Variants in EPYC observed in about 807,000 individuals in gnomAD.
The protein encoded by EPYC is epiphycan.
A neutral mutation model predicts 30.1 loss-of-function variants in EPYC; 28 were observed. The ratio of observed to expected loss-of-function variants is 0.93; its 90% confidence interval spans 0.69 to 1.28. EPYC has a LOEUF of 1.28. Among genes scored for constraint, EPYC ranks in the 50% most tolerant of loss-of-function variants. EPYC has a pLI of 0.00. For missense variants in EPYC, 382 were observed against 383.5 expected, an observed-to-expected ratio of 1.00 and a Z score of 0.03; for synonymous variants, 144 against 141.4, an observed-to-expected ratio of 1.02 and a Z score of -0.13.
At chr12:90,982,972 C>A (rs1353595032) in intron 2 of EPYC, among the ~76,000 whole-genome samples, 2 of 152,104 alleles carry the variant, frequency 1.3e-5, no homozygotes, top group Admixed American at 6.6e-5. Context: ...ATATCTTTAA[C>A]ATACTGATAC....
intron 2 of EPYC, among the ~76,000 whole-genome samples, chr12:90,997,138 G>C (rs1315931133): frequency 6.6e-6 from 1 of 151,874 alleles, no homozygotes; most frequent in Non-Finnish European, 1.5e-5. Flanking sequence ...TCCCCACAAA[G>C]ACCATAACTT....
rs1483840426 is a variant in EPYC at position 90,993,174 on chromosome 12, TC to T, written c.165+9226del. On this transcript the variant is annotated intron_variant, in intron 2 of 6. Coordinates refer to ENST00000261172, the MANE Select transcript of EPYC (RefSeq NM_004950.5). ...AGAGAAGGAACTGGCCCCAGATGGTTCCCCTTCCCTTTTGGGGATAATTGAC... is the reference window on the plus strand; with the variant it reads ...AGAGAAGGAACTGGCCCCAGATGGTTCCCTTCCCTTTTGGGGATAATTGAC... 2.0e-5 allele frequency among the ~76,000 whole-genome samples: 3 copies of T among 152,278 alleles called. No homozygotes were observed. In the East Asian group the frequency reaches 5.8e-4, roughly 29 times the overall value.
At chr12:91,002,672 A>G (rs1275530944) in intron 1 of EPYC, 94 bp from the exon 2 acceptor site, 1 of 960,044 alleles carries the variant, frequency 1.0e-6, no homozygotes, top group African/African-American at 1.7e-5. Flanking sequence ...TCAATATCAA[A>G]GAACTCAAGC....
At chr12:90,984,327 TG>T (rs1877397720) in intron 2 of EPYC, among the ~76,000 whole-genome samples, 2 of 152,052 alleles carry the variant, frequency 1.3e-5, no homozygotes, top group African/African-American at 4.8e-5. Context: ...CTTGGGTTGG[TG>T]GTGGGGGGAA....
chr12:91,004,273 A>T (rs1308441904), intron 1 of EPYC, among the ~76,000 whole-genome samples: 1 of 152,114 alleles, frequency 6.6e-6, no homozygotes, highest in East Asian at 1.9e-4. Flanking sequence ...ATATAGCTAC[A>T]TCTCAGAATT....
chr12:90,973,076 C>G (rs1877095594), intron 3 of EPYC, 96 bp from the exon 4 acceptor site: 4 of 679,102 alleles, frequency 5.9e-6, no homozygotes, highest in Non-Finnish European at 9.0e-6. Context: ...GAGTCTCCCA[C>G]TAACCAAGTA....
intron 2 of EPYC, among the ~76,000 whole-genome samples, chr12:90,993,412 C>T (rs1158045594): frequency 6.6e-6 from 1 of 152,034 alleles, no homozygotes; most frequent in Non-Finnish European, 1.5e-5. Context: ...TAAAATAGAA[C>T]ATTTTGAGCT....
chr12:90,971,839 A>G lies in EPYC; in HGVS notation c.663T>C (p.Asn221=), dbSNP rs772362345. The part of the protein sequence containing the change: ...TTLTFIDISN[N]RLGRKGIKQE... Reference sequence around the variant, plus strand: ...GCTTTATCCCTTTCCTTCCAAGTCTATTGTTGCTAATATCAATAAATGTCA... The same window carrying G: ...GCTTTATCCCTTTCCTTCCAAGTCTGTTGTTGCTAATATCAATAAATGTCA... Residue 221 remains asparagine, a synonymous_variant, in exon 5 of 7, where the codon AAT becomes AAC. Coordinates refer to ENST00000261172, the MANE Select transcript of EPYC (RefSeq NM_004950.5). The G allele has an allele frequency of 9.9e-6, 16 of 1,611,156 alleles. No homozygotes were observed. In the South Asian group the frequency reaches 1.2e-4, roughly 12 times the overall value.
intron 6 of EPYC, among the ~76,000 whole-genome samples, chr12:90,969,305 G>C (rs1440684621): frequency 6.6e-6 from 1 of 151,814 alleles, no homozygotes; most frequent in Non-Finnish European, 1.5e-5. Context: ...CAATTGATTA[G>C]AGAATGTTGA....
At chr12:91,004,157 C>T (rs928880821) in intron 1 of EPYC, among the ~76,000 whole-genome samples, 1 of 152,052 alleles carries the variant, frequency 6.6e-6, no homozygotes, top group African/African-American at 2.4e-5. Context: ...GAAGCCACTA[C>T]CAACTTAAAA....
intron 2 of EPYC, among the ~76,000 whole-genome samples, chr12:90,985,465 G>C (rs1383050952): frequency 6.6e-6 from 1 of 152,010 alleles, no homozygotes; most frequent in African/African-American, 2.4e-5. Context: ...ATTAAACCTG[G>C]CAACCTTGGT....
intron 6 of EPYC, among the ~76,000 whole-genome samples, chr12:90,964,837 C>T (rs966281359): frequency 6.6e-6 from 1 of 152,094 alleles, no homozygotes; most frequent in Admixed American, 6.6e-5. Flanking sequence ...GAGCAAATAT[C>T]CGGAAGATAA....
chr12:90,984,214 T>C (rs1877394016), intron 2 of EPYC, among the ~76,000 whole-genome samples: 2 of 152,136 alleles, frequency 1.3e-5, no homozygotes, highest in African/African-American at 2.4e-5. Flanking sequence ...AATCTGACCT[T>C]CCTTGGTCCT....
intron 5 of EPYC, 66 bp from the exon 6 acceptor site, chr12:90,970,205 C>T (rs959807827): frequency 4.3e-6 from 5 of 1,157,740 alleles, no homozygotes; most frequent in Non-Finnish European, 6.4e-6. Flanking sequence ...AAATAAAAAA[C>T]ACAGCTGTAT....
At chr12:90,984,954 T>C (rs1877415878) in intron 2 of EPYC, among the ~76,000 whole-genome samples, 2 of 152,178 alleles carry the variant, frequency 1.3e-5, no homozygotes, top group Non-Finnish European at 1.5e-5. Flanking sequence ...GATAGGTATA[T>C]AGATGTCCTA....
intron 1 of EPYC, among the ~76,000 whole-genome samples, chr12:91,003,140 T>C (rs973728730): frequency 6.6e-6 from 1 of 152,180 alleles, no homozygotes; most frequent in Non-Finnish European, 1.5e-5. Flanking sequence ...CTGTTTCTTG[T>C]ACATTTAAGT....
At chr12:90,984,301 G>A (rs1877397207) in intron 2 of EPYC, among the ~76,000 whole-genome samples, 2 of 152,118 alleles carry the variant, frequency 1.3e-5, no homozygotes, top group South Asian at 4.2e-4. Flanking sequence ...GCAGGGTCCA[G>A]GGACCATTGT....
intron 2 of EPYC, among the ~76,000 whole-genome samples, chr12:90,995,179 G>A (rs60536787): frequency 6.6e-6 from 1 of 151,512 alleles, no homozygotes; most frequent in Non-Finnish European, 1.5e-5. Flanking sequence ...TGTATCTTAA[G>A]TTCTATTTTA....
chr12:90,970,213 T>C, intron 5 of EPYC, 74 bp from the exon 6 acceptor site: 2 of 984,042 alleles, frequency 2.0e-6, no homozygotes, highest in Non-Finnish European at 1.6e-6. Flanking sequence ...AACACAGCTG[T>C]ATTTCCCATT....
Sources: allele counts gnomAD v4.1 joint callset (sites outside exome capture counted in the v4.1 genomes callset), GRCh38; gene constraint gnomAD v4.1.1; transcripts MANE v1.5; gene names NCBI Gene and HGNC (gene_info 2026-07-23, HGNC 2026-07-21).